EXTL3: variants seen among roughly 807,000 people sequenced by gnomAD.
The protein encoded by EXTL3 is exostosin like glycosyltransferase 3, also known as exostosin-like 3.
Under a neutral mutation model 69.3 loss-of-function variants are expected in EXTL3, and 27 were observed. The observed-to-expected ratio is 0.39, with a 90% CI of 0.29 to 0.54. The LOEUF is 0.54. Ranked by LOEUF, EXTL3 falls within the 20% of genes least tolerant of loss-of-function variation. The probability of loss-of-function intolerance (pLI) is 0.69; values close to 1 mark genes in which losing one functional copy is unlikely to be tolerated. For synonymous variants in EXTL3, 511 were observed against 499.4 expected (o/e 1.02, Z -0.31); for missense variants, 1,003 against 1,231.8 (o/e 0.81, Z 2.78).
intron 1 of EXTL3, among the ~76,000 whole-genome samples, chr8:28,635,363 G>C (rs1261137878): frequency 7.1e-6 from 1 of 141,374 alleles, no homozygotes; most frequent in Non-Finnish European, 1.5e-5. Flanking sequence ...TTTGAGACCA[G>C]CCTGGGCAAC....
chr8:28,642,404 C>G (rs1806758992), intron 1 of EXTL3, among the ~76,000 whole-genome samples: 1 of 150,044 alleles, frequency 6.7e-6, no homozygotes, highest in Non-Finnish European at 1.5e-5. Flanking sequence ...CAAGATTGCA[C>G]CACTACACTC....
intron 1 of EXTL3, among the ~76,000 whole-genome samples, chr8:28,636,382 A>G (rs1173126485): frequency 6.6e-6 from 1 of 151,946 alleles, no homozygotes; most frequent in African/African-American, 2.4e-5. Flanking sequence ...AGATCTTTCA[A>G]GTACAGATAT....
chr8:28,680,135 T>C (rs978270245), intron 1 of EXTL3, among the ~76,000 whole-genome samples: 2 of 152,008 alleles, frequency 1.3e-5, no homozygotes, highest in Non-Finnish European at 2.9e-5. Flanking sequence ...CTTATGCCTA[T>C]AATCCCAGCA....
chr8:28,693,565 A>C (rs1402147812), intron 1 of EXTL3, among the ~76,000 whole-genome samples: 1 of 152,220 alleles, frequency 6.6e-6, no homozygotes, highest in African/African-American at 2.4e-5. Context: ...GTAATGAGTT[A>C]ACAAATAGTT....
intron 2 of EXTL3, among the ~76,000 whole-genome samples, chr8:28,608,486 G>T (rs904804890): frequency 1.3e-5 from 2 of 152,112 alleles, no homozygotes; most frequent in Non-Finnish European, 2.9e-5. Context: ...TGGGTGCTAA[G>T]ATACAGTTAA....
chr8:28,633,296 C>T (rs1244069191), intron 1 of EXTL3, among the ~76,000 whole-genome samples: 1 of 151,986 alleles, frequency 6.6e-6, no homozygotes, highest in Non-Finnish European at 1.5e-5. Flanking sequence ...CATGACTGCA[C>T]CACTGCACTC....
Position 28,650,064 on chromosome 8 carries a change from C to T in EXTL3, c.-53+27254C>T, listed in dbSNP as rs530837634. Among the ~76,000 whole-genome samples, 13 of 151,754 alleles carry T rather than the reference C, an allele frequency of 8.6e-5. No individual in the cohort carries two copies. In the East Asian group the frequency reaches 1.6e-3, roughly 18 times the overall value. On this transcript the variant is annotated intron_variant, in intron 1 of 6. Transcript: ENST00000523149. ...TACAAAAATTAGCTGAGTGTGGTGGCGCACACCTATAATCCCAGCTACTCT... is the reference window on the plus strand; with the variant it reads ...TACAAAAATTAGCTGAGTGTGGTGGTGCACACCTATAATCCCAGCTACTCT...
chr8:28,703,645 G>C (rs868262358), intron 1 of EXTL3, among the ~76,000 whole-genome samples: 1 of 152,100 alleles, frequency 6.6e-6, no homozygotes, highest in East Asian at 1.9e-4. Context: ...GGGATTCCCT[G>C]ATGTAGACTC....
At chr8:28,648,408 C>T (rs1806867725) in intron 1 of EXTL3, among the ~76,000 whole-genome samples, 1 of 152,134 alleles carries the variant, frequency 6.6e-6, no homozygotes, top group Non-Finnish European at 1.5e-5. Flanking sequence ...TCATGTCCTC[C>T]AGAGGTAATG....
intron 2 of EXTL3, among the ~76,000 whole-genome samples, chr8:28,714,022 T>G (rs1282967909): frequency 6.7e-6 from 1 of 148,918 alleles, no homozygotes; most frequent in Non-Finnish European, 1.5e-5. Flanking sequence ...TTCTCCTGCC[T>G]CAGCCTCCTG....
At chr8:28,622,271 C>T (rs980694742), upstream of EXTL3, among the ~76,000 whole-genome samples, 2 of 152,234 alleles carry the variant, frequency 1.3e-5, no homozygotes, top group African/African-American at 4.8e-5. Context: ...TCTAAGCATC[C>T]GGCTCATTTT....
intron 1 of EXTL3, among the ~76,000 whole-genome samples, chr8:28,640,380 G>A (rs1300642689): frequency 6.6e-6 from 1 of 152,036 alleles, no homozygotes; most frequent in African/African-American, 2.4e-5. Context: ...TTAACAAACG[G>A]TAAAGTTTGA....
chr8:28,628,467 GGCT>G (rs1806527259), intron 1 of EXTL3, among the ~76,000 whole-genome samples: 1 of 152,104 alleles, frequency 6.6e-6, no homozygotes, highest in Admixed American at 6.6e-5. Flanking sequence ...CCAAGGTTGA[GGCT>G]GCAGTGAGCT....
At chr8:28,695,728 G>A (rs1190210389) in intron 1 of EXTL3, among the ~76,000 whole-genome samples, 3 of 152,170 alleles carry the variant, frequency 2.0e-5, no homozygotes, top group African/African-American at 7.2e-5. Flanking sequence ...GGGACCAGAG[G>A]GAAGGAGGTC....
Position 28,717,706 on chromosome 8 carries a change from G to A in EXTL3, c.1647G>A (p.Ala549=), listed in dbSNP as rs201787949. 26 of 1,614,200 alleles carry A rather than the reference G, an allele frequency of 1.6e-5. No homozygotes were observed. The highest frequency in any genetic ancestry group is 3.3e-4 in the Middle Eastern group (2 of 6,062). ...QIPAAPIREE[A]AAEIPHRSGK... is the part of the protein sequence containing the mutation. ...CAGCCGCTCCCATCCGGGAAGAGGC[G>A]GCAGCTGAGATCCCCCACCGTTCAG... is the stretch of plus-strand genomic sequence containing the variant. Residue 549 remains alanine (A), a synonymous_variant, in exon 3 of 7, where the codon GCG becomes GCA. Coordinates refer to ENST00000220562, the MANE Select transcript of EXTL3 (RefSeq NM_001440.4). The surrounding 1 kb of genome is among the most constrained non-coding windows in gnomAD (Gnocchi z 8.3).
intron 1 of EXTL3, among the ~76,000 whole-genome samples, chr8:28,658,560 C>T (rs352427): frequency 0.95 from 144,056 of 152,118 alleles, 68,250 homozygotes; most frequent in East Asian, 1. Context: ...CTTGGAGACT[C>T]TAAAAATATC....
At chr8:28,663,962 A>G (rs1011936070) in intron 1 of EXTL3, among the ~76,000 whole-genome samples, 9 of 152,224 alleles carry the variant, frequency 5.9e-5, no homozygotes, top group Non-Finnish European at 1.3e-4. Flanking sequence ...ACTCCTGGGA[A>G]AAGAGGAAGA....
chr8:28,730,143 A>G (rs1402407635), intron 3 of EXTL3: 2 of 152,226 alleles, frequency 1.3e-5, no homozygotes, highest in Non-Finnish European at 2.9e-5. Context: ...AGTTGAAGAG[A>G]CATGCTAGTA....
intron 2 of EXTL3, 137 bp downstream of exon 2, chr8:28,713,687 A>G: frequency 1.6e-6 from 1 of 615,298 alleles, no homozygotes; most frequent in South Asian, 2.0e-5. Flanking sequence ...TAAACATTTG[A>G]ATCACAAGGA....
Sources: allele counts gnomAD v4.1 joint callset (sites outside exome capture counted in the v4.1 genomes callset), GRCh38; gene constraint gnomAD v4.1.1; non-coding constraint Gnocchi (gnomAD v3.1); transcripts MANE v1.5; gene names NCBI Gene and HGNC (gene_info 2026-07-23, HGNC 2026-07-21).